LIMCH1: variants seen among roughly 807,000 people sequenced by gnomAD.
The protein encoded by LIMCH1 is LIM and calponin homology domains 1.
Under a neutral mutation model 176.5 loss-of-function variants are expected in LIMCH1, and 113 were observed. That is an observed-to-expected ratio of 0.64 (90% confidence interval 0.55 to 0.75). The LOEUF (loss-of-function observed/expected upper bound fraction) is 0.75. Among genes scored for constraint, LIMCH1 ranks in the 30% least tolerant of loss-of-function variants. The probability of loss-of-function intolerance (pLI) is 0.00; values close to 1 mark genes in which losing one functional copy is unlikely to be tolerated. For missense variants in LIMCH1, 1,674 were observed against 1,814.9 expected (o/e 0.92, Z 1.41); for synonymous variants, 619 against 645.9 (o/e 0.96, Z 0.63).
intron 1 of LIMCH1, among the ~76,000 whole-genome samples, chr4:41,478,196 C>A (rs2068039546): frequency 6.6e-6 from 1 of 152,164 alleles, no homozygotes; most frequent in African/African-American, 2.4e-5. Context: ...CATAGCTTAG[C>A]TAATTATTGA....
intron 3 of LIMCH1, among the ~76,000 whole-genome samples, chr4:41,524,661 G>C (rs2152415176): frequency 6.6e-6 from 1 of 152,338 alleles, no homozygotes; most frequent in Admixed American, 6.5e-5. Context: ...TAAATGGCAT[G>C]TTAATCTTTG....
At position 41,426,223 on chromosome 4, in the gene LIMCH1, G is replaced by A. The variant is rs370857418; in HGVS notation, c.96+65287G>A. ...TTTTTAGTAGAGACGGGGTTTCACCGTTTTAGCCGGGATGGTCTCGATCTC... is the reference window on the plus strand; with the variant it reads ...TTTTTAGTAGAGACGGGGTTTCACCATTTTAGCCGGGATGGTCTCGATCTC... On this transcript the variant is annotated intron_variant, in intron 1 of 26. Coordinates refer to the LIMCH1 transcript ENST00000313860. Among the ~76,000 whole-genome samples, 24 of 151,384 alleles carry A rather than the reference G, an allele frequency of 1.6e-4. No individual in the cohort carries two copies. The East Asian group carries it at 2.0e-3, about 12-fold the overall frequency.
chr4:41,570,635 G>A (rs1034305506), intron 1 of LIMCH1, among the ~76,000 whole-genome samples: 6 of 152,148 alleles, frequency 3.9e-5, no homozygotes, highest in South Asian at 4.1e-4. Flanking sequence ...GCCCTGCTCC[G>A]AACATTTTGT....
At chr4:41,468,227 C>T (rs1189910357) in intron 1 of LIMCH1, among the ~76,000 whole-genome samples, 1 of 110,572 alleles carries the variant, frequency 9.0e-6, no homozygotes, top group Non-Finnish European at 1.9e-5. Context: ...TTCCCTCCCT[C>T]CCCTCCCCTC....
chr4:41,631,370 AGTCATCT>A lies in LIMCH1; in HGVS notation c.1500_1506del (p.Ile500MetfsTer20), dbSNP rs2093315169. The A allele has an allele frequency of 4.6e-6, 7 of 1,536,288 alleles. No individual in the cohort carries two copies. Among genetic ancestry groups the A allele is most frequent in the Non-Finnish European group, 6.1e-6 (7 of 1,146,934 alleles). On this transcript the variant is annotated frameshift_variant, in exon 10 of 32. Transcript: ENST00000503057. LOFTEE classifies it high-confidence loss of function. ...CTGGGCCTAGAGAGGATGAAGAAGAAGTCATCTGTCATGGCAGCAAGATTCAAATGGA... is the reference window on the plus strand; with the variant it reads ...CTGGGCCTAGAGAGGATGAAGAAGAAGTCATGGCAGCAAGATTCAAATGGA...
chr4:41,619,113 C>G, intron 5 of LIMCH1, 75 bp from the exon 6 acceptor site: 3 of 1,528,392 alleles, frequency 2.0e-6, no homozygotes, highest in Non-Finnish European at 2.7e-6. Flanking sequence ...GAACCACATC[C>G]CTAATGCATG....
chr4:41,697,208 C>T lies in LIMCH1; in HGVS notation c.*23C>T. On this transcript the variant is annotated 3_prime_UTR_variant, in exon 32 of 32. Transcript: ENST00000503057. ...TGACACGGCTTTCAAGCTTCCGGAT[C>T]ACTCACCATTTCTTTACTGAGAGTG... 6.2e-7 allele frequency: 1 copy of T among 1,612,312 alleles called. No homozygotes were observed. Among genetic ancestry groups the T allele is most frequent in the Non-Finnish European group, 8.5e-7 (1 of 1,178,466 alleles).
rs535257439 is a variant in LIMCH1, at chr4:41,438,084, CT to C, written c.97-56443del. On this transcript the variant is annotated intron_variant, in intron 1 of 26. Coordinates refer to the LIMCH1 transcript ENST00000313860. ...ATAGCTGTTTTCCCCAATCAGCTAC[CT>C]TTTTTTTTCTACATAGCTGTGGAAC... Among the ~76,000 whole-genome samples the C allele has an allele frequency of 1.8e-3, 276 of 151,726 alleles. 1 individual carries two copies. The highest frequency in any genetic ancestry group is 2.9e-3 in the Non-Finnish European group (197 of 67,878).
At chr4:41,474,824 C>A (rs1207158813) in intron 1 of LIMCH1, among the ~76,000 whole-genome samples, 1 of 152,154 alleles carries the variant, frequency 6.6e-6, no homozygotes, top group East Asian at 1.9e-4. Flanking sequence ...CACCAATGGG[C>A]ATATACCCAA....
At position 41,627,002 on chromosome 4, in the gene LIMCH1, A is replaced by G; in HGVS notation, c.1020A>G (p.Glu340=). The G allele has an allele frequency of 6.5e-7, 1 of 1,528,474 alleles. No homozygotes were observed. Among genetic ancestry groups the G allele is most frequent in the Non-Finnish European group, 8.7e-7 (1 of 1,145,976 alleles). 94.7% of individuals were successfully genotyped at this position (1,528,474 alleles called of 1,614,324 possible). A position where few individuals can be genotyped will look rare whatever the true frequency, so the allele number is the denominator to read the frequency against. ...GAATCTCAAAAAAAAGAAGTCTAGA[A>G]TATAAAAGGTGTGCATGGTGTGTGT... is the stretch of plus-strand genomic sequence containing the variant. ...SKGISKKRSL[E]YKRNQGHTEE... is the part of the protein sequence containing the mutation. The change falls in exon 8 of 32, where the codon GAA becomes GAG. Residue 340 remains glutamate (E), a synonymous_variant. Coordinates refer to ENST00000503057, the MANE Select transcript of LIMCH1 (RefSeq NM_001330672.2).
chr4:41,628,231 A>G (rs2093095073), intron 8 of LIMCH1, among the ~76,000 whole-genome samples: 1 of 152,174 alleles, frequency 6.6e-6, no homozygotes, highest in African/African-American at 2.4e-5. Context: ...ATTGATGGCA[A>G]TCAGCAATTT....
chr4:41,550,341 T>C (rs1356384453), intron 1 of LIMCH1, among the ~76,000 whole-genome samples: 1 of 151,572 alleles, frequency 6.6e-6, no homozygotes, highest in Non-Finnish European at 1.5e-5. Context: ...ATAGGAAAAA[T>C]AATTTGATAC....
At chr4:41,434,799 G>A (rs1404313747) in intron 1 of LIMCH1, among the ~76,000 whole-genome samples, 2 of 152,234 alleles carry the variant, frequency 1.3e-5, no homozygotes, top group Non-Finnish European at 2.9e-5. Flanking sequence ...TTACAGGCGT[G>A]AGCCACCATA....
At chr4:41,408,449 A>G (rs150171376) in intron 1 of LIMCH1, among the ~76,000 whole-genome samples, 1 of 152,284 alleles carries the variant, frequency 6.6e-6, no homozygotes, top group African/African-American at 2.4e-5. Flanking sequence ...TCTTACTACT[A>G]TCCCATTTTA....
chr4:41,544,476 G>A (rs2079097690), intron 1 of LIMCH1, among the ~76,000 whole-genome samples: 1 of 152,154 alleles, frequency 6.6e-6, no homozygotes, highest in African/African-American at 2.4e-5. Context: ...GAGTCTGGGA[G>A]GCCTCTAATG....
intron 24 of LIMCH1, among the ~76,000 whole-genome samples, chr4:41,680,509 G>T (rs1159806417): frequency 1.3e-5 from 2 of 152,198 alleles, no homozygotes; most frequent in African/African-American, 2.4e-5. Flanking sequence ...TAGCACTAAA[G>T]AGACTTGGAG....
intron 1 of LIMCH1, among the ~76,000 whole-genome samples, chr4:41,577,057 G>GGAAAGTGAGCC (rs2084603811): frequency 6.6e-6 from 1 of 151,950 alleles, no homozygotes; most frequent in Non-Finnish European, 1.5e-5. Flanking sequence ...CTATAGGTGA[G>GGAAAGTGAGCC]CTCCACAGGG....
chr4:41,671,441 A>ACACACAC (rs1560317022), intron 21 of LIMCH1, 113 bp from the exon 22 acceptor site: 29 of 553,868 alleles, frequency 5.2e-5, no homozygotes, highest in Non-Finnish European at 1.9e-5. Flanking sequence ...CACACACACA[A>ACACACAC]AATTGGTTTA....
intron 2 of LIMCH1, among the ~76,000 whole-genome samples, chr4:41,517,422 G>GAAAT (rs2075693417): frequency 6.6e-6 from 1 of 152,152 alleles, no homozygotes; most frequent in Non-Finnish European, 1.5e-5. Context: ...CTGAGCCCTA[G>GAAAT]AAATACACGG....
Sources: allele counts gnomAD v4.1 joint callset (sites outside exome capture counted in the v4.1 genomes callset), GRCh38; gene constraint gnomAD v4.1.1; transcripts MANE v1.5; gene names NCBI Gene and HGNC (gene_info 2026-07-23, HGNC 2026-07-21).